Variants in HCN2 observed in about 807,000 individuals in gnomAD.
HCN2 encodes hyperpolarization activated cyclic nucleotide gated potassium and sodium channel 2.
Under a neutral mutation model 52.3 loss-of-function variants are expected in HCN2, and 20 were observed. That is an observed-to-expected ratio of 0.38 (90% CI 0.27 to 0.56). The LOEUF is 0.56. Among genes scored for constraint, HCN2 ranks in the 20% least tolerant of loss-of-function variants. HCN2 has a pLI of 0.71. For synonymous variants in HCN2, 694 were observed against 537.0 expected (o/e 1.29, Z -4.04); for missense variants, 981 against 1,207.7 (o/e 0.81, Z 2.78).
chr19:613,876 G>A lies in HCN2; in HGVS notation c.1850G>A (p.Arg617His), dbSNP rs781664647. ...GAGATCTGCCTGCTCACCCGGGGCCGCCGCACGGCGAGCGTGCGGGCTGAC... is the reference window on the plus strand; with the variant it reads ...GAGATCTGCCTGCTCACCCGGGGCCACCGCACGGCGAGCGTGCGGGCTGAC... The part of the protein sequence containing the change: ...FGEICLLTRG[R>H]RTASVRADTY... The change falls in exon 7 of 8, where the codon CGC becomes CAC. Residue 617 changes from arginine to histidine, a missense_variant. Arg to His is a conservative substitution (Grantham distance 29). Coordinates refer to ENST00000251287, the MANE Select transcript of HCN2 (RefSeq NM_001194.4). The A allele has an allele frequency of 1.3e-6, 2 of 1,590,292 alleles. No homozygotes were observed. Among genetic ancestry groups the A allele is most frequent in the Non-Finnish European group, 1.7e-6 (2 of 1,169,198 alleles).
chr19:613,675 G>C, intron 6 of HCN2, among the ~76,000 whole-genome samples, 177 bp from the exon 7 acceptor site: 3 of 102,944 alleles, frequency 2.9e-5, no homozygotes, highest in African/African-American at 3.8e-5. Context: ...GGATGGGGAT[G>C]GGGCCGGGGA....
At chr19:612,534 C>G (rs1027601900) in intron 5 of HCN2, among the ~76,000 whole-genome samples, 2 of 151,976 alleles carry the variant, frequency 1.3e-5, no homozygotes, top group African/African-American at 4.8e-5. Context: ...GTGCCTCAGC[C>G]TCCCGAGTAG....
At position 590,165 on chromosome 19, in the gene HCN2, C is replaced by G. The variant is rs944114585; in HGVS notation, c.220C>G (p.Arg74Gly). 5.1e-6 allele frequency: 5 copies of G among 976,748 alleles called. No homozygotes were observed. In the East Asian group the frequency reaches 4.7e-4, roughly 92 times the overall value. 60.5% of individuals were successfully genotyped at this position (976,748 alleles called of 1,614,324 possible). A position where few individuals can be genotyped will look rare whatever the true frequency, so the allele number is the denominator to read the frequency against. ...GGCGGATGAGGGCGGCCCGCGGGGC[C>G]GGCTCCGCAGCCGCGACAGCTCGTG... is the stretch of plus-strand genomic sequence containing the variant. ...EAADEGGPRG[R>G]LRSRDSSCGR... The change falls in exon 1 of 8, where the codon CGG (arginine) becomes GGG (glycine). Residue 74 changes from arginine (R) to glycine (G), a missense_variant. Physicochemically the swap from Arg to Gly is moderately radical, Grantham distance 125. Around this residue, in one of 6 missense-constraint regions of HCN2, gnomAD observed 215 missense variants for 179.4 expected, o/e 1.20. Coordinates refer to ENST00000251287, the MANE Select transcript of HCN2 (RefSeq NM_001194.4). This position sits in a 1 kb window ranked among gnomAD's most constrained non-coding sequence, Gnocchi z 7.2.
At chr19:615,607 G>A (rs1657718511) in intron 7 of HCN2, among the ~76,000 whole-genome samples, 188 bp from the exon 8 acceptor site, 1 of 152,230 alleles carries the variant, frequency 6.6e-6, no homozygotes, top group Non-Finnish European at 1.5e-5. Context: ...TATATGGCAG[G>A]TACTCAATAT....
rs1351356680 is a variant in HCN2 at position 605,771 on chromosome 19, GGAGGGAAGGACTCGGGC to G, written c.1218+550_1218+566del. ...GGTGGGGACCCAGGCGCCCCCTTAT[GGAGGGAAGGACTCGGGC>G]CCTTACAGAGGCGGGGACCCAGGCC... is the stretch of plus-strand genomic sequence containing the variant. On this transcript the variant is annotated intron_variant, in intron 3 of 7. Coordinates refer to ENST00000251287, the MANE Select transcript of HCN2 (RefSeq NM_001194.4). Among the ~76,000 whole-genome samples, 431 of 133,864 alleles carry G rather than the reference GGAGGGAAGGACTCGGGC, an allele frequency of 3.2e-3. 18 individuals carry two copies. Among genetic ancestry groups the G allele is most frequent in the African/African-American group, 0.011 (393 of 34,674 alleles). The allele number at this position is 133,864 out of a possible 152,430, so 87.8% of individuals were successfully genotyped here. A position where few individuals can be genotyped will look rare whatever the true frequency, so the allele number is the denominator to read the frequency against.
intron 1 of HCN2, among the ~76,000 whole-genome samples, chr19:597,739 G>T (rs990450763): frequency 6.6e-6 from 1 of 151,226 alleles, no homozygotes; most frequent in Non-Finnish European, 1.5e-5. Context: ...TCCTCCTGGT[G>T]GTTTCTAGGT....
At chr19:607,308 C>G (rs1489395967) in intron 3 of HCN2, among the ~76,000 whole-genome samples, 1 of 152,234 alleles carries the variant, frequency 6.6e-6, no homozygotes, top group African/African-American at 2.4e-5. Flanking sequence ...AGCCTTTGTC[C>G]CTGCCTGGGG....
chr19:595,824 C>G (rs1468459167), intron 1 of HCN2, among the ~76,000 whole-genome samples: 1 of 152,266 alleles, frequency 6.6e-6, no homozygotes, highest in Non-Finnish European at 1.5e-5. Context: ...TCTCCTAATC[C>G]CCCGGCCCGA....
At chr19:606,938 GA>G (rs1688093191) in intron 3 of HCN2, among the ~76,000 whole-genome samples, 1 of 96,826 alleles carries the variant, frequency 1.0e-5, no homozygotes, top group African/African-American at 7.4e-5. Context: ...TTGGGAGGCC[GA>G]GGTGGGGCTG....
At chr19:611,417 T>G (rs989326169) in intron 5 of HCN2, among the ~76,000 whole-genome samples, 1 of 151,888 alleles carries the variant, frequency 6.6e-6, no homozygotes, top group African/African-American at 2.4e-5. Flanking sequence ...GTGTCCCCGG[T>G]GTAGCACCTG....
intron 1 of HCN2, among the ~76,000 whole-genome samples, chr19:596,926 C>T (rs899495077): frequency 6.6e-6 from 1 of 152,144 alleles, no homozygotes; most frequent in African/African-American, 2.4e-5. Context: ...TGGGGTGCAC[C>T]GGCAGAGACA....
intron 1 of HCN2, among the ~76,000 whole-genome samples, chr19:601,279 C>A (rs897786394): frequency 1.2e-4 from 18 of 152,192 alleles, no homozygotes; most frequent in Admixed American, 3.3e-4. Context: ...TGCCACTGCA[C>A]TCCAGCCTGG....
At chr19:612,078 G>A (rs1354010474) in intron 5 of HCN2, among the ~76,000 whole-genome samples, 2 of 152,064 alleles carry the variant, frequency 1.3e-5, no homozygotes, top group South Asian at 2.1e-4. Flanking sequence ...CCAGGAGGCG[G>A]CGGTTGCAGT....
chr19:615,744 T>A, intron 7 of HCN2, 51 bp from the exon 8 acceptor site: 1 of 1,592,038 alleles, frequency 6.3e-7, no homozygotes, highest in South Asian at 1.1e-5. Flanking sequence ...CGGTGCCCGC[T>A]GTACGCAGCA....
chr19:608,638 C>T (rs1379659956), intron 4 of HCN2, among the ~76,000 whole-genome samples: 3 of 138,084 alleles, frequency 2.2e-5, no homozygotes, highest in Non-Finnish European at 5.0e-5. Flanking sequence ...GAGTTGGGAT[C>T]AGGGCAGGAC....
At chr19:600,896 C>G (rs1983181334) in intron 1 of HCN2, among the ~76,000 whole-genome samples, 2 of 152,224 alleles carry the variant, frequency 1.3e-5, no homozygotes, top group Admixed American at 6.5e-5. Flanking sequence ...CCATACCTTT[C>G]TCATTCCCCC....
chr19:608,295 G>C lies in HCN2; in HGVS notation c.1437+113G>C. On this transcript the variant is annotated intron_variant, in intron 4 of 7. Transcript: ENST00000251287. ...GGGTCTGATGGAGGGAGGCAGGCCC[G>C]GTCCTGGGGTCTGAGGCTGGAGGGA... 3 of 925,094 alleles carry C rather than the reference G, an allele frequency of 3.2e-6. No individual in the cohort carries two copies. In the Admixed American group the frequency reaches 6.2e-5, roughly 19 times the overall value. The allele number at this position is 925,094 out of a possible 1,614,324, so 57.3% of individuals were successfully genotyped here. A position where few individuals can be genotyped will look rare whatever the true frequency, so the allele number is the denominator to read the frequency against.
chr19:597,941 G>A (rs142944158), intron 1 of HCN2, among the ~76,000 whole-genome samples: 4 of 152,228 alleles, frequency 2.6e-5, no homozygotes, highest in Non-Finnish European at 4.4e-5. Flanking sequence ...CGCCCCTCGT[G>A]GGGGAGGTTT....
chr19:608,700 G>A, intron 4 of HCN2, among the ~76,000 whole-genome samples: 1 of 152,094 alleles, frequency 6.6e-6, no homozygotes, highest in South Asian at 2.1e-4. Context: ...GGCATTGCCA[G>A]GAGGCTGGGC....
Sources: allele counts gnomAD v4.1 joint callset (sites outside exome capture counted in the v4.1 genomes callset), GRCh38; gene constraint gnomAD v4.1.1; regional missense constraint gnomAD v4.1.1; non-coding constraint Gnocchi (gnomAD v3.1); transcripts MANE v1.5; gene names NCBI Gene and HGNC (gene_info 2026-07-23, HGNC 2026-07-21).